MDN1: variants seen among roughly 807,000 people sequenced by gnomAD.
MDN1 encodes the protein midasin AAA ATPase 1.
Under a neutral mutation model 669.2 loss-of-function variants are expected in MDN1, and 266 were observed. The observed-to-expected ratio is 0.40, with a 90% confidence interval of 0.36 to 0.44. MDN1 has a LOEUF of 0.44. Among genes scored for constraint, MDN1 ranks in the 20% least tolerant of loss-of-function variants. The pLI is 1.00. For missense variants in MDN1, 5,940 were observed against 6,754.0 expected (o/e 0.88, Z 4.22); for synonymous variants, 2,385 against 2,457.1 (o/e 0.97, Z 0.87).
Position 89,716,866 on chromosome 6 carries a change from T to G in MDN1, c.6584-57A>C, listed in dbSNP as rs565154660. The G allele has an allele frequency of 3.4e-6, 5 of 1,467,820 alleles. No homozygotes were observed. In the South Asian group the frequency reaches 7.3e-5, roughly 21 times the overall value. 90.9% of individuals were successfully genotyped at this position (1,467,820 alleles called of 1,614,324 possible). On this transcript the variant is annotated intron_variant, in intron 43 of 101. Transcript: ENST00000369393. The stretch of plus-strand genomic sequence containing the variant: ...CAGCACTTAACTTCAAACAAAGAAT[T>G]AAGTTTATGAAAAGGAAGCTTGATA...
In MDN1 at chr6:89,727,821, C is replaced by G; in HGVS notation, c.5472+12G>C. On this transcript the variant is annotated intron_variant, in intron 37 of 101. Transcript: ENST00000369393. ...TGATCACCGTCTTGGGCATGACAAA[C>G]AGGCCCCTCACCTCATCCAACACCA... 6.2e-7 allele frequency: 1 copy of G among 1,608,356 alleles called. No homozygotes were observed. Among genetic ancestry groups the G allele is most frequent in the Non-Finnish European group, 8.5e-7 (1 of 1,176,800 alleles).
At chr6:89,741,888 G>A (rs1742662975) in intron 31 of MDN1, among the ~76,000 whole-genome samples, 1 of 152,094 alleles carries the variant, frequency 6.6e-6, no homozygotes, top group Admixed American at 6.6e-5. Context: ...ATCACTTGAG[G>A]TCAGGAGTTC....
chr6:89,734,883 T>G (rs1815850507), intron 33 of MDN1, among the ~76,000 whole-genome samples: 1 of 149,408 alleles, frequency 6.7e-6, no homozygotes, highest in South Asian at 2.2e-4. Context: ...TTGTAAATGA[T>G]AGTTGTTTCT....
At chr6:89,790,666 C>T (rs2128326525) in intron 5 of MDN1, among the ~76,000 whole-genome samples, 1 of 152,276 alleles carries the variant, frequency 6.6e-6, no homozygotes, top group East Asian at 1.9e-4. Flanking sequence ...GATCACACCA[C>T]TGCACTCCAG....
rs149147376 is a variant in MDN1 at position 89,765,424 on chromosome 6, G to A, written c.2145-2894C>T. Among the ~76,000 whole-genome samples the A allele has an allele frequency of 2.1e-3, 327 of 152,270 alleles. 1 individual carries two copies. The highest frequency in any genetic ancestry group is 7.6e-3 in the African/African-American group (314 of 41,544). On this transcript the variant is annotated intron_variant, in intron 15 of 101. Coordinates refer to ENST00000369393, the MANE Select transcript of MDN1 (RefSeq NM_014611.3). ...CTAGAACGACAACAGTGAAAATGGT[G>A]AGAAATTGAACAAAATATATGTGTC...
At chr6:89,681,236 C>T (rs1338284333) in intron 73 of MDN1, among the ~76,000 whole-genome samples, 2 of 152,006 alleles carry the variant, frequency 1.3e-5, no homozygotes, top group African/African-American at 4.8e-5. Flanking sequence ...TGCAGTGACC[C>T]GATGTTGGCT....
chr6:89,675,055 T>C (rs1811089735), intron 78 of MDN1, among the ~76,000 whole-genome samples: 1 of 152,202 alleles, frequency 6.6e-6, no homozygotes, highest in South Asian at 2.1e-4. Flanking sequence ...CCCCAAAGCC[T>C]AAGTAACAGA....
At chr6:89,771,436 G>A in intron 15 of MDN1, 125 bp downstream of exon 15, 2 of 806,214 alleles carry the variant, frequency 2.5e-6, no homozygotes, top group Non-Finnish European at 3.9e-6. Flanking sequence ...AGCCTTATCT[G>A]AGAAAACTCT....
rs189018225 is a variant in MDN1, at chr6:89,742,634, A to G, written c.4448+516T>C. Among the ~76,000 whole-genome samples, 211 of 152,324 alleles carry G rather than the reference A, an allele frequency of 1.4e-3. 2 individuals carry two copies. The highest frequency in any genetic ancestry group is 4.8e-3 in the African/African-American group (199 of 41,568). On this transcript the variant is annotated intron_variant, in intron 31 of 101. Coordinates refer to ENST00000369393, the MANE Select transcript of MDN1 (RefSeq NM_014611.3). ...GAAATATACATTTTATGATATGTAA[A>G]CTATACCTCAAAAGAAAAAATGGGT...
intron 9 of MDN1, among the ~76,000 whole-genome samples, chr6:89,783,604 C>T (rs1818796957): frequency 6.6e-6 from 1 of 152,068 alleles, no homozygotes; most frequent in Admixed American, 6.6e-5. Context: ...CTGCTTTTTG[C>T]CCTTTGAAGC....
chr6:89,795,189 C>G (rs979370060), intron 2 of MDN1, among the ~76,000 whole-genome samples: 2 of 152,158 alleles, frequency 1.3e-5, no homozygotes, highest in African/African-American at 4.8e-5. Flanking sequence ...AAAAGGCACT[C>G]ATTTCCAACA....
chr6:89,719,062 G>A, intron 41 of MDN1, 32 bp from the exon 42 acceptor site: 1 of 1,613,946 alleles, frequency 6.2e-7, no homozygotes, highest in East Asian at 2.2e-5. Context: ...ATTTCCATAA[G>A]CGTGCCTGGT....
At chr6:89,670,183 T>A (rs1202155679) in intron 83 of MDN1, among the ~76,000 whole-genome samples, 1 of 124,082 alleles carries the variant, frequency 8.1e-6, no homozygotes, top group Non-Finnish European at 1.6e-5. Flanking sequence ...TTTTTTTTTT[T>A]TTTTTTTGAG....
intron 88 of MDN1, among the ~76,000 whole-genome samples, chr6:89,660,798 T>G (rs945967651): frequency 6.6e-5 from 10 of 152,194 alleles, no homozygotes; most frequent in African/African-American, 2.4e-4. Context: ...ACTGACTCAT[T>G]TATCAGCGAG....
In MDN1 at chr6:89,749,228, G is replaced by A; in HGVS notation, c.3757C>T (p.Leu1253Phe). ...TTCCATTTGAAACTAAGTACCTGAA[G>A]ATCCAGCATGACTTTAACCAACTTG... The part of the protein sequence containing the change: ...CSKLVKVMLD[L>F]QSYRRSSSVF... The change falls in exon 26 of 102, where the codon CTT becomes TTT. Residue 1253 changes from leucine (L) to phenylalanine (F), a missense_variant. Around this residue, in one of 5 missense-constraint regions of MDN1, gnomAD observed 2,292 missense variants for 2,638.3 expected, o/e 0.87. Coordinates refer to ENST00000369393, the MANE Select transcript of MDN1 (RefSeq NM_014611.3). The A allele has an allele frequency of 6.2e-7, 1 of 1,613,646 alleles. No homozygotes were observed. The highest frequency in any genetic ancestry group is 8.5e-7 in the Non-Finnish European group (1 of 1,179,828).
intron 1 of MDN1, chr6:89,815,125 C>A: frequency 2.5e-6 from 1 of 397,720 alleles, no homozygotes; most frequent in East Asian, 6.3e-5. Flanking sequence ...CTGCCCCTGA[C>A]CACTCAGCTA....
chr6:89,796,324 C>CAAAAAAAAAAAAA lies in MDN1; in HGVS notation c.330-1536_330-1524dup, dbSNP rs35169575. Among the ~76,000 whole-genome samples the CAAAAAAAAAAAAA allele has an allele frequency of 2.5e-3, 111 of 45,292 alleles. 4 individuals carry two copies. Among genetic ancestry groups the CAAAAAAAAAAAAA allele is most frequent in the East Asian group, 5.3e-3 (5 of 950 alleles). The allele number at this position is 45,292 out of a possible 152,430, so 29.7% of individuals were successfully genotyped here. A position where few individuals can be genotyped will look rare whatever the true frequency, so the allele number is the denominator to read the frequency against. On this transcript the variant is annotated intron_variant, in intron 2 of 101. Transcript: ENST00000369393. ...GGGCGACAAGAGCAAAACTCTGTCT[C>CAAAAAAAAAAAAA]AAAAAAAAAAAAAAAAAAAAAAAAA...
intron 13 of MDN1, among the ~76,000 whole-genome samples, chr6:89,773,445 C>A (rs2128323091): frequency 6.7e-6 from 1 of 149,878 alleles, no homozygotes; most frequent in East Asian, 2.0e-4. Context: ...GAGGCTGAGG[C>A]AGGAGAATCA....
chr6:89,779,306 TTTG>T (rs1818522200), intron 11 of MDN1, among the ~76,000 whole-genome samples: 1 of 152,208 alleles, frequency 6.6e-6, no homozygotes, highest in Non-Finnish European at 1.5e-5. Context: ...TCCAACTCCT[TTTG>T]TTCTTATTCC....
Sources: allele counts gnomAD v4.1 joint callset (sites outside exome capture counted in the v4.1 genomes callset), GRCh38; gene constraint gnomAD v4.1.1; regional missense constraint gnomAD v4.1.1; transcripts MANE v1.5; gene names NCBI Gene and HGNC (gene_info 2026-07-23, HGNC 2026-07-21).